Variants in KLHL12 observed in about 807,000 individuals in gnomAD.
KLHL12 encodes kelch-like protein 12.
A neutral mutation model predicts 60.8 loss-of-function variants in KLHL12; 17 were observed. The observed-to-expected ratio is 0.28, with a 90% CI of 0.19 to 0.42. The LOEUF (loss-of-function observed/expected upper bound fraction) is 0.42, where lower values mean the gene tolerates loss of function less well. Ranked by LOEUF, KLHL12 falls within the 10% of genes least tolerant of loss-of-function variation. KLHL12 has a pLI of 1.00. For missense variants in KLHL12, 468 were observed against 722.3 expected (o/e 0.65, Z 4.04); for synonymous variants, 220 against 250.9 (o/e 0.88, Z 1.16).
chr1:202,902,507 A>G (rs1660043319), intron 6 of KLHL12, among the ~76,000 whole-genome samples: 1 of 151,836 alleles, frequency 6.6e-6, no homozygotes, highest in African/African-American at 2.4e-5. Context: ...GATGTTTTTC[A>G]TTTTCCAAAT....
intron 4 of KLHL12, chr1:202,912,185 AT>A: frequency 1.1e-6 from 1 of 925,644 alleles, no homozygotes; most frequent in Non-Finnish European, 1.8e-6. Flanking sequence ...CTAAGAGATA[AT>A]TTGAACAGTT....
At chr1:202,900,840 G>A (rs1233643691) in intron 6 of KLHL12, among the ~76,000 whole-genome samples, 4 of 152,088 alleles carry the variant, frequency 2.6e-5, no homozygotes, top group Admixed American at 2.0e-4. Flanking sequence ...CTCCAGCCTA[G>A]GTGACAGAGC....
rs759990156 is a variant in KLHL12, at chr1:202,919,894, C to T, written c.210G>A (p.Gly70=). ...AMFTSELSEK[G]KPYVDIQGLT... ...AACCTTGGATGTCAACATAAGGTTT[C>T]CCCTTCTCTGAGAGCTGAAAATTCA... The change falls in exon 3 of 12, where the codon GGG becomes GGA. Residue 70 remains glycine, a synonymous_variant. Coordinates refer to ENST00000367261, the MANE Select transcript of KLHL12 (RefSeq NM_021633.4). 5.6e-6 allele frequency: 9 copies of T among 1,613,164 alleles called. No homozygotes were observed. Among genetic ancestry groups the T allele is most frequent in the Non-Finnish European group, 7.6e-6 (9 of 1,179,610 alleles).
chr1:202,913,953 T>C (rs1273925157), intron 4 of KLHL12, among the ~76,000 whole-genome samples: 5 of 152,130 alleles, frequency 3.3e-5, no homozygotes, highest in South Asian at 2.1e-4. Context: ...ACTATAGATA[T>C]AGAGTACTTC....
Position 202,895,526 on chromosome 1 carries a change from C to G in KLHL12, c.1131G>C (p.Leu377=). Residue 377 remains leucine (L), a synonymous_variant, in exon 8 of 12, where the codon CTG becomes CTC. Transcript: ENST00000367261. The surrounding 1 kb of genome is among the most constrained non-coding windows in gnomAD (Gnocchi z 4.2). ...VRRGLAGATT[L]GDMIYVSGGF... is the part of the protein sequence containing the mutation. ...TGCCCTGCACATCCAGCCTACCTCC[C>G]AGGGTGGTGGCTCCAGCAAGACCTC... 1 of 1,612,986 alleles carries G rather than the reference C, an allele frequency of 6.2e-7. No individual in the cohort carries two copies. Among genetic ancestry groups the G allele is most frequent in the Admixed American group, 1.7e-5 (1 of 59,922 alleles).
chr1:202,911,609 T>C (rs1471249480), intron 4 of KLHL12, among the ~76,000 whole-genome samples: 1 of 152,148 alleles, frequency 6.6e-6, no homozygotes. Context: ...TGTTGCCTTA[T>C]TCGAAGTCAG....
At chr1:202,927,291 C>A (rs989146552), upstream of KLHL12, 2 of 985,080 alleles carry the variant, frequency 2.0e-6, no homozygotes, top group Non-Finnish European at 2.4e-6. Flanking sequence ...CGCCCTCCCC[C>A]CGCTCCAGAG....
At chr1:202,902,603 T>C (rs761350454) in intron 6 of KLHL12, among the ~76,000 whole-genome samples, 7 of 152,168 alleles carry the variant, frequency 4.6e-5, no homozygotes, top group Middle Eastern at 3.2e-3. Flanking sequence ...ATCACATAAA[T>C]AACCCTGTGA....
chr1:202,915,747 G>T (rs1660504702), intron 4 of KLHL12, among the ~76,000 whole-genome samples: 1 of 152,176 alleles, frequency 6.6e-6, no homozygotes, highest in South Asian at 2.1e-4. Context: ...TGGTATGATG[G>T]TTAAACTCCA....
At chr1:202,912,368 G>A (rs1660389336) in intron 4 of KLHL12, 1 of 792,228 alleles carries the variant, frequency 1.3e-6, no homozygotes, top group Admixed American at 1.7e-5. Context: ...CAAAGTAAGA[G>A]ATGGCTAGTG....
intron 2 of KLHL12, among the ~76,000 whole-genome samples, chr1:202,920,912 C>G (rs1660677470): frequency 6.6e-6 from 1 of 152,122 alleles, no homozygotes; most frequent in Admixed American, 6.6e-5. Context: ...AGATAAGACA[C>G]AATATTTCAA....
chr1:202,912,537 G>A (rs1660396888), intron 4 of KLHL12: 1 of 1,034,670 alleles, frequency 9.7e-7, no homozygotes. Flanking sequence ...TTTGGAGGTG[G>A]TGGAAGCTAC....
chr1:202,908,974 A>G (rs777802372), intron 6 of KLHL12, 36 bp downstream of exon 6: 1 of 1,326,108 alleles, frequency 7.5e-7, no homozygotes, highest in Non-Finnish European at 1.1e-6. Flanking sequence ...AAGTAGTTGA[A>G]AAGCATCCCC....
intron 6 of KLHL12, among the ~76,000 whole-genome samples, chr1:202,904,034 A>C (rs954997886): frequency 1.7e-4 from 25 of 148,574 alleles, no homozygotes; most frequent in African/African-American, 5.7e-4. Context: ...CTATCTATCT[A>C]TGAGATGGAG....
Position 202,925,056 on chromosome 1 carries a change from G to A in KLHL12, c.107C>T (p.Thr36Ile). The part of the protein sequence containing the change: ...LRKSNTLCDV[T>I]LRVEQKDFPA... ...GAAGTCTTTCTGCTCTACTCTCAATGTCACATCACAGAGGGTATTGCTCTT... is the reference window on the plus strand; with the variant it reads ...GAAGTCTTTCTGCTCTACTCTCAATATCACATCACAGAGGGTATTGCTCTT... The change falls in exon 2 of 12, where the codon ACA becomes ATA. Residue 36 changes from threonine (T) to isoleucine (I), a missense_variant. Coordinates refer to ENST00000367261, the MANE Select transcript of KLHL12 (RefSeq NM_021633.4). 6.2e-7 allele frequency: 1 copy of A among 1,614,106 alleles called. No individual in the cohort carries two copies. The highest frequency in any genetic ancestry group is 1.1e-5 in the South Asian group (1 of 91,080).
chr1:202,911,456 ATCTCTCTCTC>A (rs10577552), intron 4 of KLHL12, among the ~76,000 whole-genome samples: 6 of 149,240 alleles, frequency 4.0e-5, no homozygotes, highest in African/African-American at 7.4e-5. Flanking sequence ...ATATATATGT[ATCTCTCTCTC>A]TCTCTCTCTC....
upstream of KLHL12, chr1:202,928,350 C>G (rs560583757): frequency 4.2e-5 from 16 of 380,040 alleles, no homozygotes; most frequent in South Asian, 3.2e-4. Context: ...CGGCAGGGAG[C>G]CTGGGAATGT....
intron 4 of KLHL12, among the ~76,000 whole-genome samples, chr1:202,916,344 G>A (rs987825601): frequency 7.2e-5 from 11 of 152,318 alleles, no homozygotes; most frequent in Non-Finnish European, 1.6e-4. Context: ...GAAACACTTG[G>A]CTAAAATTTG....
At chr1:202,905,657 A>G (rs986693873) in intron 6 of KLHL12, among the ~76,000 whole-genome samples, 1 of 152,190 alleles carries the variant, frequency 6.6e-6, no homozygotes, top group African/African-American at 2.4e-5. Flanking sequence ...TATCTGCATT[A>G]TTTCTTTGCA....
Sources: allele counts gnomAD v4.1 joint callset (sites outside exome capture counted in the v4.1 genomes callset), GRCh38; gene constraint gnomAD v4.1.1; non-coding constraint Gnocchi (gnomAD v3.1); transcripts MANE v1.5; gene names NCBI Gene and HGNC (gene_info 2026-07-23, HGNC 2026-07-21).